The following DNER variants were observed in gnomAD, a reference collection of about 807,000 sequenced individuals.
The protein encoded by DNER is delta/notch like EGF repeat containing.
A neutral mutation model predicts 78.2 loss-of-function variants in DNER; 33 were observed. The ratio of observed to expected loss-of-function variants is 0.42; its 90% CI spans 0.32 to 0.56. The LOEUF (loss-of-function observed/expected upper bound fraction) is 0.56. Among genes scored for constraint, DNER ranks in the 20% least tolerant of loss-of-function variants. DNER has a pLI of 0.11. For missense variants in DNER, 918 were observed against 975.3 expected (o/e 0.94, Z 0.78); for synonymous variants, 417 against 384.8 (o/e 1.08, Z -0.98).
rs557457638 is a variant in DNER at position 229,358,504 on chromosome 2, G to A, written c.*36C>T. The stretch of plus-strand genomic sequence containing the variant: ...TCTTAAAAATATTTAAATGAGTGTA[G>A]TATCTCATCTTTTTGAAAAATAATC... On this transcript the variant is annotated 3_prime_UTR_variant, in exon 13 of 13. Transcript: ENST00000341772. The A allele has an allele frequency of 4.7e-6, 7 of 1,494,898 alleles. No homozygotes were observed. The highest frequency in any genetic ancestry group is 1.8e-4 in the Middle Eastern group (1 of 5,688). 92.6% of individuals were successfully genotyped at this position (1,494,898 alleles called of 1,614,324 possible). A position where few individuals can be genotyped will look rare whatever the true frequency, so the allele number is the denominator to read the frequency against.
rs1693741696 is a variant in DNER, at chr2:229,420,480, C to T, written c.1487-2250G>A. 2.0e-5 allele frequency among the ~76,000 whole-genome samples: 3 copies of T among 152,160 alleles called. No homozygotes were observed. In the South Asian group the frequency reaches 6.2e-4, roughly 32 times the overall value. ...GTTGCCTGTACCTCGGATATCATATCCAAGAAGTCATTCCTAAGGCCAATG... is the reference window on the plus strand; with the variant it reads ...GTTGCCTGTACCTCGGATATCATATTCAAGAAGTCATTCCTAAGGCCAATG... On this transcript the variant is annotated intron_variant, in intron 8 of 12. Coordinates refer to ENST00000341772, the MANE Select transcript of DNER (RefSeq NM_139072.4).
At chr2:229,690,707 G>A (rs756916695) in intron 1 of DNER, among the ~76,000 whole-genome samples, 17 of 152,168 alleles carry the variant, frequency 1.1e-4, no homozygotes, top group Non-Finnish European at 1.8e-4. Flanking sequence ...TGGAGATTAA[G>A]TTCCAGCAAG....
chr2:229,622,498 C>T (rs1574932468), intron 1 of DNER, among the ~76,000 whole-genome samples: 1 of 152,186 alleles, frequency 6.6e-6, no homozygotes, highest in Admixed American at 6.5e-5. Context: ...TGAACTTGAT[C>T]CCCCCTCAGC....
chr2:229,553,077 C>A (rs1164338905), intron 4 of DNER, among the ~76,000 whole-genome samples: 2 of 152,192 alleles, frequency 1.3e-5, no homozygotes, highest in Admixed American at 6.5e-5. Flanking sequence ...TAGATACCCA[C>A]CATCTACCAT....
At chr2:229,550,980 AG>A (rs1183689766) in intron 4 of DNER, among the ~76,000 whole-genome samples, 6 of 152,292 alleles carry the variant, frequency 3.9e-5, no homozygotes, top group Middle Eastern at 3.4e-3. Flanking sequence ...TCAATGTTGA[AG>A]TCCTTGCACA....
chr2:229,399,858 G>C (rs1035392163), intron 10 of DNER, among the ~76,000 whole-genome samples: 1 of 151,892 alleles, frequency 6.6e-6, no homozygotes, highest in African/African-American at 2.4e-5. Context: ...CTAGTTAGAA[G>C]ATTCAGGAAA....
rs528311385 is a variant in DNER, at chr2:229,650,089, A to G, written c.277-58201T>C. On this transcript the variant is annotated intron_variant, in intron 1 of 12. Coordinates refer to ENST00000341772, the MANE Select transcript of DNER (RefSeq NM_139072.4). The stretch of plus-strand genomic sequence containing the variant: ...GACTCCGTCAAAAAAAAAAAAAAAA[A>G]AAAGAAATGGTATCAGAATCATTAG... Among the ~76,000 whole-genome samples, 91 of 151,888 alleles carry G rather than the reference A, an allele frequency of 6.0e-4. 1 individual carries two copies. In the East Asian group the frequency reaches 0.011, roughly 18 times the overall value.
At chr2:229,593,225 T>C (rs936812830) in intron 1 of DNER, among the ~76,000 whole-genome samples, 5 of 152,018 alleles carry the variant, frequency 3.3e-5, no homozygotes, top group East Asian at 1.9e-4. Flanking sequence ...CAAAGCTCTT[T>C]TTGGTCAGGC....
chr2:229,570,944 C>G (rs1303949786), intron 4 of DNER, among the ~76,000 whole-genome samples: 1 of 152,112 alleles, frequency 6.6e-6, no homozygotes, highest in Non-Finnish European at 1.5e-5. Flanking sequence ...GTGTTTAAGT[C>G]TTGGCTTCTG....
chr2:229,692,196 C>T (rs561924059), intron 1 of DNER, among the ~76,000 whole-genome samples: 1 of 152,332 alleles, frequency 6.6e-6, no homozygotes, highest in East Asian at 1.9e-4. Flanking sequence ...CTGACTAATA[C>T]ATACAATGTA....
chr2:229,708,414 T>G (rs1018352718), intron 1 of DNER, among the ~76,000 whole-genome samples: 2 of 152,218 alleles, frequency 1.3e-5, no homozygotes, highest in African/African-American at 4.8e-5. Flanking sequence ...TCTAATACAC[T>G]GCCAGGGCTG....
intron 7 of DNER, among the ~76,000 whole-genome samples, chr2:229,457,370 C>T (rs973183498): frequency 6.6e-6 from 1 of 151,798 alleles, no homozygotes. Context: ...AACAAGAGAA[C>T]AAATAATAAG....
rs371485741 is a variant in DNER at position 229,396,927 on chromosome 2, G to A, written c.1724-8531C>T. ...AACCAAGTAACTACTGAAATCAGAAGGTCTAGTGTGAAGGAATTGTGCCAT... is the reference window on the plus strand; with the variant it reads ...AACCAAGTAACTACTGAAATCAGAAAGTCTAGTGTGAAGGAATTGTGCCAT... On this transcript the variant is annotated intron_variant, in intron 10 of 12. Transcript: ENST00000341772. 2.0e-4 allele frequency among the ~76,000 whole-genome samples: 31 copies of A among 152,188 alleles called. 1 individual carries two copies. Among genetic ancestry groups the A allele is most frequent in the African/African-American group, 6.5e-4 (27 of 41,502 alleles).
intron 8 of DNER, among the ~76,000 whole-genome samples, chr2:229,430,978 G>A (rs573720037): frequency 6.6e-6 from 1 of 152,040 alleles, no homozygotes; most frequent in Non-Finnish European, 1.5e-5. Context: ...TTTCTGAGAT[G>A]CAGGGAACAG....
chr2:229,640,779 T>C (rs1019484132), intron 1 of DNER, among the ~76,000 whole-genome samples: 2 of 152,172 alleles, frequency 1.3e-5, no homozygotes, highest in African/African-American at 4.8e-5. Context: ...TTGGAGACCA[T>C]GAATATACAG....
In DNER at chr2:229,493,587, G is replaced by A. The variant is rs936057561; in HGVS notation, c.1148-16334C>T. ...AGAAGCTGAGGGACAGAGGGAAGAG[G>A]AAGAAGAAATAAGAGAACTGAGCCC... On this transcript the variant is annotated intron_variant, in intron 6 of 12. Coordinates refer to ENST00000341772, the MANE Select transcript of DNER (RefSeq NM_139072.4). Among the ~76,000 whole-genome samples, 7 of 152,238 alleles carry A rather than the reference G, an allele frequency of 4.6e-5. No homozygotes were observed. The East Asian group carries it at 5.8e-4, about 13-fold the overall frequency.
chr2:229,506,193 G>A (rs923322450), intron 6 of DNER, among the ~76,000 whole-genome samples: 2 of 151,882 alleles, frequency 1.3e-5, no homozygotes, highest in Admixed American at 1.3e-4. Flanking sequence ...ACAGGGCTGG[G>A]GGGCCTCAAG....
At chr2:229,435,183 C>T (rs146160986) in intron 8 of DNER, among the ~76,000 whole-genome samples, 9 of 152,292 alleles carry the variant, frequency 5.9e-5, no homozygotes, top group East Asian at 1.9e-4. Flanking sequence ...TTGCTGCTTT[C>T]GGAACCCTAC....
At chr2:229,458,094 C>A (rs781580620) in intron 7 of DNER, among the ~76,000 whole-genome samples, 1 of 127,738 alleles carries the variant, frequency 7.8e-6, no homozygotes, top group African/African-American at 3.1e-5. Flanking sequence ...TGAGATCACA[C>A]CACTGCACTC....
Sources: allele counts gnomAD v4.1 joint callset (sites outside exome capture counted in the v4.1 genomes callset), GRCh38; gene constraint gnomAD v4.1.1; transcripts MANE v1.5; gene names NCBI Gene and HGNC (gene_info 2026-07-23, HGNC 2026-07-21).